EYA2: variants seen among roughly 807,000 people sequenced by gnomAD.
EYA2 encodes the protein protein phosphatase EYA2.
Under a neutral mutation model 69.2 loss-of-function variants are expected in EYA2, and 31 were observed. That is an observed-to-expected ratio of 0.45 (90% CI 0.34 to 0.60). EYA2 has a LOEUF of 0.60. Among genes scored for constraint, EYA2 ranks in the 20% least tolerant of loss-of-function variants. EYA2 has a pLI of 0.02. For synonymous variants in EYA2, 257 were observed against 279.4 expected (o/e 0.92, Z 0.80); for missense variants, 622 against 701.2 (o/e 0.89, Z 1.28).
intron 10 of EYA2, among the ~76,000 whole-genome samples, chr20:47,151,234 C>CGT (rs917469531): frequency 2.6e-5 from 4 of 151,778 alleles, no homozygotes; most frequent in Non-Finnish European, 2.9e-5. Flanking sequence ...AGCAGGTCAT[C>CGT]GTGGTGGGCA....
At chr20:47,057,520 C>G (rs1033900966) in intron 5 of EYA2, among the ~76,000 whole-genome samples, 9 of 151,082 alleles carry the variant, frequency 6.0e-5, no homozygotes, top group Non-Finnish European at 7.4e-5. Flanking sequence ...ACCCCCCCCC[C>G]CCATCTCATA....
At chr20:46,976,460 A>G (rs914220098) in intron 1 of EYA2, among the ~76,000 whole-genome samples, 2 of 152,102 alleles carry the variant, frequency 1.3e-5, no homozygotes, top group African/African-American at 4.8e-5. Flanking sequence ...ATCTAGGCTC[A>G]CTGCAAACTC....
At chr20:46,979,225 C>G (rs1167230424) in intron 1 of EYA2, among the ~76,000 whole-genome samples, 2 of 152,196 alleles carry the variant, frequency 1.3e-5, no homozygotes. Flanking sequence ...TTGATCCCTC[C>G]CAGCCTTTGA....
rs1294695279 is a variant in EYA2, at chr20:46,995,118, C to G, written c.109+4999C>G. 5.3e-5 allele frequency among the ~76,000 whole-genome samples: 8 copies of G among 152,228 alleles called. No homozygotes were observed. The East Asian group carries it at 1.5e-3, about 29-fold the overall frequency. ...GTTTCACCATGTTGGCCAGGCTGGT[C>G]TTGAACTCCCGACCTCAGGTGATGC... On this transcript the variant is annotated intron_variant, in intron 2 of 15. Coordinates refer to ENST00000327619, the MANE Select transcript of EYA2 (RefSeq NM_005244.5).
At chr20:47,161,328 T>C in intron 10 of EYA2, 1 of 495,208 alleles carries the variant, frequency 2.0e-6, no homozygotes, top group South Asian at 1.8e-5. Context: ...CATACCATTA[T>C]AGTCACCGAT....
At chr20:47,118,574 G>T (rs1370788105) in intron 9 of EYA2, among the ~76,000 whole-genome samples, 31 of 152,080 alleles carry the variant, frequency 2.0e-4, no homozygotes, top group Admixed American at 1.8e-3. Context: ...CCTAAGCCAG[G>T]GACCTTCATG....
At chr20:46,996,847 G>C (rs1344597969) in intron 2 of EYA2, among the ~76,000 whole-genome samples, 2 of 151,984 alleles carry the variant, frequency 1.3e-5, no homozygotes, top group African/African-American at 4.8e-5. Flanking sequence ...ATTTTCCATG[G>C]CTGGAGCAGG....
chr20:47,054,016 C>T (rs938921021), intron 5 of EYA2, among the ~76,000 whole-genome samples: 2 of 152,002 alleles, frequency 1.3e-5, no homozygotes, highest in African/African-American at 4.8e-5. Context: ...GATGATGACA[C>T]TCACCTTATA....
At chr20:47,089,908 G>A (rs183579994) in intron 8 of EYA2, among the ~76,000 whole-genome samples, 8 of 151,974 alleles carry the variant, frequency 5.3e-5, no homozygotes, top group African/African-American at 1.9e-4. Context: ...GAGGAACTAG[G>A]GGGGAGGAGG....
Position 47,005,091 on chromosome 20 carries a change from A to G in EYA2, c.298+7A>G. 1 of 1,613,214 alleles carries G rather than the reference A, an allele frequency of 6.2e-7. No individual in the cohort carries two copies. Among genetic ancestry groups the G allele is most frequent in the Non-Finnish European group, 8.5e-7 (1 of 1,179,594 alleles). On this transcript the variant is annotated splice_region_variant and intron_variant, in intron 4 of 15. Transcript: ENST00000327619. ...TATGGAATCCCTTCCTACAGTGAGTAGTAAACAAGTCCTTACTCTCCTCCT... is the reference window on the plus strand; with the variant it reads ...TATGGAATCCCTTCCTACAGTGAGTGGTAAACAAGTCCTTACTCTCCTCCT...
intron 5 of EYA2, among the ~76,000 whole-genome samples, chr20:47,032,837 G>A (rs1568735487): frequency 6.6e-6 from 1 of 152,138 alleles, no homozygotes; most frequent in South Asian, 2.1e-4. Flanking sequence ...GATATACCAC[G>A]GCATTTAGCC....
rs200801733 is a variant in EYA2, at chr20:47,179,924, C to T, written c.1313+12C>T. On this transcript the variant is annotated intron_variant, in intron 13 of 15. Transcript: ENST00000327619. ...CTCATCAACTCCCGGCAAGTGGCAG[C>T]CCTCATTTTCCTCTGTGCCACTGAA... 135 of 1,591,402 alleles carry T rather than the reference C, an allele frequency of 8.5e-5. No homozygotes were observed. The highest frequency in any genetic ancestry group is 1.1e-4 in the Non-Finnish European group (133 of 1,159,896).
intron 5 of EYA2, among the ~76,000 whole-genome samples, chr20:47,054,804 C>G (rs1217216384): frequency 6.6e-6 from 1 of 152,214 alleles, no homozygotes; most frequent in African/African-American, 2.4e-5. Context: ...TACCTATGAA[C>G]TTTTGATTCA....
At chr20:46,946,343 T>C (rs1050007926) in intron 1 of EYA2, among the ~76,000 whole-genome samples, 1 of 152,260 alleles carries the variant, frequency 6.6e-6, no homozygotes, top group African/African-American at 2.4e-5. Flanking sequence ...GAGCACGTTT[T>C]AGCTGTGAAC....
chr20:47,055,634 T>G (rs1481469162), intron 5 of EYA2, among the ~76,000 whole-genome samples: 1 of 152,178 alleles, frequency 6.6e-6, no homozygotes, highest in African/African-American at 2.4e-5. Context: ...TTTCAGATCC[T>G]TACCCCTCAG....
At chr20:47,062,419 A>G (rs970870744) in intron 5 of EYA2, among the ~76,000 whole-genome samples, 5 of 152,198 alleles carry the variant, frequency 3.3e-5, no homozygotes, top group African/African-American at 1.2e-4. Flanking sequence ...TCACCCCGGT[A>G]TCGCAGGCAG....
At chr20:47,028,536 A>G (rs941960182) in intron 5 of EYA2, among the ~76,000 whole-genome samples, 1 of 152,134 alleles carries the variant, frequency 6.6e-6, no homozygotes, top group Non-Finnish European at 1.5e-5. Flanking sequence ...ATCCCAGTAG[A>G]TATTAAGGGA....
chr20:47,117,892 C>T (rs2032946898), intron 9 of EYA2, among the ~76,000 whole-genome samples: 1 of 152,162 alleles, frequency 6.6e-6, no homozygotes. Context: ...TGCTTAAGGA[C>T]ATCTGTTTAT....
At chr20:46,938,487 A>G (rs915649054) in intron 1 of EYA2, among the ~76,000 whole-genome samples, 1 of 152,340 alleles carries the variant, frequency 6.6e-6, no homozygotes, top group East Asian at 1.9e-4. Context: ...TCATGAGGCT[A>G]TAATCAAAGT....
Sources: gnomAD v4.1 joint callset for allele counts (sites outside exome capture counted in the v4.1 genomes callset) on GRCh38, gnomAD v4.1.1 for gene constraint, MANE v1.5 for transcripts, NCBI Gene and HGNC (gene_info 2026-07-23, HGNC 2026-07-21) for gene names.